CSGALNACT1: variants seen among roughly 807,000 people sequenced by gnomAD.
CSGALNACT1 encodes beta4GalNAcT-1.
In CSGALNACT1, 52 loss-of-function variants were observed where a neutral mutation model predicts 51.0. The observed-to-expected ratio is 1.02, with a 90% CI of 0.82 to 1.29. CSGALNACT1 has a LOEUF of 1.29. Ranked by LOEUF, CSGALNACT1 falls within the 50% of genes most tolerant of loss-of-function variation. The pLI, the probability that CSGALNACT1 is intolerant of heterozygous loss-of-function variation, is 0.00. For missense variants in CSGALNACT1, 935 were observed against 679.2 expected, an observed-to-expected ratio of 1.38 and a Z score of -4.19; for synonymous variants, 341 against 254.4, an observed-to-expected ratio of 1.34 and a Z score of -3.24.
intron 5 of CSGALNACT1, among the ~76,000 whole-genome samples, chr8:19,458,129 G>T (rs1283921484): frequency 1.3e-5 from 2 of 152,134 alleles, no homozygotes; most frequent in East Asian, 1.9e-4. Flanking sequence ...CCAAACCTGA[G>T]CCCCTCCGCA....
At chr8:19,431,598 T>G (rs2059657477) in intron 6 of CSGALNACT1, among the ~76,000 whole-genome samples, 1 of 152,126 alleles carries the variant, frequency 6.6e-6, no homozygotes, top group Non-Finnish European at 1.5e-5. Flanking sequence ...GCATTTATAT[T>G]CATAGGGATA....
At position 19,468,609 on chromosome 8, in the gene CSGALNACT1, C is replaced by A. The variant is rs918885816; in HGVS notation, c.635-9967G>T. On this transcript the variant is annotated intron_variant, in intron 4 of 9. Transcript: ENST00000454498. ...TGGTTTAGCAGGAAATGACAAGAGC[C>A]TGAACTAAGATGGTGGCAATGGAGG... is the stretch of plus-strand genomic sequence containing the variant. 3.3e-5 allele frequency among the ~76,000 whole-genome samples: 5 copies of A among 152,014 alleles called. No individual in the cohort carries two copies. The South Asian group carries it at 1.0e-3, about 32-fold the overall frequency.
intron 1 of CSGALNACT1, among the ~76,000 whole-genome samples, chr8:19,677,514 C>A (rs2060283697): frequency 6.6e-6 from 1 of 152,146 alleles, no homozygotes; most frequent in Admixed American, 6.6e-5. Context: ...AACATTAGAA[C>A]AATGACCTTC....
intron 1 of CSGALNACT1, among the ~76,000 whole-genome samples, chr8:19,644,596 G>A (rs552661978): frequency 2.0e-5 from 3 of 150,666 alleles, no homozygotes; most frequent in Admixed American, 2.0e-4. Flanking sequence ...TGTAATCCCA[G>A]CTACTTGGGA....
At chr8:19,609,088 T>C (rs1407781298) in intron 1 of CSGALNACT1, among the ~76,000 whole-genome samples, 1 of 151,992 alleles carries the variant, frequency 6.6e-6, no homozygotes, top group Non-Finnish European at 1.5e-5. Flanking sequence ...ACAGAATGAA[T>C]CTTTCACCAT....
chr8:19,495,524 G>A (rs930287055), intron 4 of CSGALNACT1, among the ~76,000 whole-genome samples: 1 of 152,148 alleles, frequency 6.6e-6, no homozygotes, highest in African/African-American at 2.4e-5. Flanking sequence ...ACCTCGCAGG[G>A]ATCAGTGAGA....
intron 1 of CSGALNACT1, among the ~76,000 whole-genome samples, chr8:19,643,473 C>T (rs1185961351): frequency 1.3e-5 from 2 of 151,948 alleles, no homozygotes; most frequent in African/African-American, 4.8e-5. Flanking sequence ...CCTGTGTCTA[C>T]TAAAAATACA....
intron 1 of CSGALNACT1, among the ~76,000 whole-genome samples, chr8:19,694,958 T>A (rs2061511550): frequency 6.6e-6 from 1 of 152,154 alleles, no homozygotes; most frequent in African/African-American, 2.4e-5. Context: ...CCCAGACCCT[T>A]TCCATTCAAC....
chr8:19,572,177 A>G (rs2043187416), intron 3 of CSGALNACT1, among the ~76,000 whole-genome samples: 1 of 152,230 alleles, frequency 6.6e-6, no homozygotes, highest in Admixed American at 6.5e-5. Context: ...TATGCTTTTT[A>G]AACTTTTAGA....
At chr8:19,688,600 T>A (rs554469172) in intron 1 of CSGALNACT1, 3 of 152,218 alleles carry the variant, frequency 2.0e-5, no homozygotes, top group Admixed American at 2.0e-4. Context: ...ATACTTTGCA[T>A]TGACTCCTTC....
At chr8:19,593,163 G>A (rs1462492677) in intron 2 of CSGALNACT1, among the ~76,000 whole-genome samples, 2 of 152,208 alleles carry the variant, frequency 1.3e-5, no homozygotes, top group Admixed American at 6.5e-5. Flanking sequence ...TGTACGATAT[G>A]TATCAGAAAT....
chr8:19,636,844 A>T (rs140133743), intron 1 of CSGALNACT1, among the ~76,000 whole-genome samples: 208 of 152,312 alleles, frequency 1.4e-3, no homozygotes, highest in Admixed American at 5.0e-3. Context: ...TCCTTGAGAC[A>T]ATTGTTTCAC....
At chr8:19,409,522 A>AAC (rs1217366951) in intron 8 of CSGALNACT1, among the ~76,000 whole-genome samples, 2 of 149,766 alleles carry the variant, frequency 1.3e-5, no homozygotes, top group African/African-American at 4.9e-5. Context: ...GAGAGAGAGA[A>AAC]ACACACACAC....
At chr8:19,443,646 C>A (rs1283283961) in intron 5 of CSGALNACT1, among the ~76,000 whole-genome samples, 1 of 152,162 alleles carries the variant, frequency 6.6e-6, no homozygotes, top group Non-Finnish European at 1.5e-5. Context: ...ATGAGAGAAA[C>A]TGCACTCGTG....
intron 1 of CSGALNACT1, among the ~76,000 whole-genome samples, chr8:19,617,318 T>C (rs774622637): frequency 1.3e-4 from 20 of 152,206 alleles, no homozygotes; most frequent in Non-Finnish European, 2.2e-4. Flanking sequence ...GCCTGGTTCC[T>C]AGCAGGCCAT....
intron 3 of CSGALNACT1, among the ~76,000 whole-genome samples, chr8:19,586,706 C>T (rs921361738): frequency 6.6e-6 from 1 of 152,116 alleles, no homozygotes; most frequent in Non-Finnish European, 1.5e-5. Flanking sequence ...TTCTCATAGA[C>T]TGCTGGGTGG....
chr8:19,408,979 A>ACACACACACACACACACACACACACAC (rs2055001271), intron 8 of CSGALNACT1, among the ~76,000 whole-genome samples: 1 of 66,374 alleles, frequency 1.5e-5, no homozygotes, highest in Admixed American at 1.5e-4. Flanking sequence ...CACACACACA[A>ACACACACACACACACACACACACACAC]TCAAAAACAA....
At chr8:19,633,310 AC>A (rs2055557971) in intron 1 of CSGALNACT1, among the ~76,000 whole-genome samples, 1 of 151,706 alleles carries the variant, frequency 6.6e-6, no homozygotes, top group South Asian at 2.1e-4. Context: ...TCCCTTTCTT[AC>A]CCTACTGCTT....
chr8:19,509,737 G>C (rs2078094093), intron 3 of CSGALNACT1, among the ~76,000 whole-genome samples: 1 of 151,622 alleles, frequency 6.6e-6, no homozygotes, highest in Admixed American at 6.6e-5. Flanking sequence ...CAAAATCTCT[G>C]TGCAATCTCC....
Sources: allele counts gnomAD v4.1 joint callset (sites outside exome capture counted in the v4.1 genomes callset), GRCh38; gene constraint gnomAD v4.1.1; transcripts MANE v1.5; gene names NCBI Gene and HGNC (gene_info 2026-07-23, HGNC 2026-07-21).